The following NBDY variants were observed in gnomAD, a reference collection of about 807,000 sequenced individuals.
NBDY encodes the protein negative regulator of P-body association.
At chrX:56,801,135 C>T (rs779717693) in intron 2 of NBDY, among the ~76,000 whole-genome samples, 1 of 111,500 alleles carries the variant, frequency 9.0e-6, no homozygotes, top group Admixed American at 9.4e-5. Flanking sequence ...AAGAACCCAT[C>T]AACAAGAAGC....
chrX:56,733,150 C>A (rs1440140905), intron 2 of NBDY, among the ~76,000 whole-genome samples: 1 of 109,808 alleles, frequency 9.1e-6, no homozygotes, highest in Middle Eastern at 4.6e-3. Flanking sequence ...GTATTTTTAT[C>A]ATTCAATATT....
At chrX:56,766,353 G>A (rs889749730) in intron 2 of NBDY, among the ~76,000 whole-genome samples, 2 of 111,434 alleles carry the variant, frequency 1.8e-5, no homozygotes, top group Non-Finnish European at 3.8e-5. Flanking sequence ...ACACAGGGAG[G>A]CACACACAGA....
chrX:56,762,627 C>T (rs962941191), intron 2 of NBDY, among the ~76,000 whole-genome samples: 1 of 110,954 alleles, frequency 9.0e-6, no homozygotes, highest in African/African-American at 3.3e-5. Flanking sequence ...TCCTTGAAGA[C>T]GATCTAATAA....
intron 2 of NBDY, among the ~76,000 whole-genome samples, chrX:56,793,533 G>C (rs1479314215): frequency 9.1e-6 from 1 of 110,229 alleles, no homozygotes; most frequent in Non-Finnish European, 1.9e-5. Context: ...GGAAAGCATG[G>C]AGGGCCTCAG....
intron 2 of NBDY, among the ~76,000 whole-genome samples, chrX:56,746,018 T>C (rs1178992225): frequency 9.0e-6 from 1 of 111,163 alleles, no homozygotes; most frequent in Non-Finnish European, 1.9e-5. Flanking sequence ...CAAATTATGG[T>C]TTATAATTTG....
At chrX:56,805,695 CCT>C (rs1222012431) in intron 2 of NBDY, among the ~76,000 whole-genome samples, 2 of 112,070 alleles carry the variant, frequency 1.8e-5, no homozygotes, top group African/African-American at 6.5e-5. Flanking sequence ...GGCTCTTCCT[CCT>C]CTGTGAGGCC....
intron 2 of NBDY, among the ~76,000 whole-genome samples, chrX:56,766,120 AT>A (rs1310483735): frequency 8.9e-6 from 1 of 111,952 alleles, no homozygotes; most frequent in African/African-American, 3.3e-5. Flanking sequence ...GCTCATTGTT[AT>A]TTCCCATTCT....
chrX:56,809,335 A>G (rs1194744790), intron 2 of NBDY, among the ~76,000 whole-genome samples: 2 of 111,368 alleles, frequency 1.8e-5, no homozygotes, highest in African/African-American at 6.5e-5. Context: ...TCGTTGATCT[A>G]TCTAATATTG....
intron 2 of NBDY, among the ~76,000 whole-genome samples, chrX:56,750,286 C>A (rs752610544): frequency 4.5e-5 from 5 of 111,408 alleles, no homozygotes; most frequent in Admixed American, 2.9e-4. Flanking sequence ...AAATTCTCTG[C>A]TTTCTTCCAT....
intron 2 of NBDY, among the ~76,000 whole-genome samples, chrX:56,764,536 G>A (rs890437040): frequency 2.0e-4 from 22 of 109,866 alleles, no homozygotes; most frequent in South Asian, 1.2e-3. Context: ...GCACATCCTC[G>A]CTGATCTCTG....
chrX:56,730,466 G>C (rs775769284), intron 1 of NBDY, among the ~76,000 whole-genome samples: 1 of 86,154 alleles, frequency 1.2e-5, no homozygotes, highest in African/African-American at 4.4e-5. Flanking sequence ...AGCCGAGATC[G>C]CGCCATTGCT....
At chrX:56,756,790 C>A (rs1456485589) in intron 2 of NBDY, among the ~76,000 whole-genome samples, 1 of 110,704 alleles carries the variant, frequency 9.0e-6, no homozygotes, top group Non-Finnish European at 1.9e-5. Flanking sequence ...CATGGTGAAA[C>A]CCTGTCTCTA....
chrX:56,738,629 A>G (rs2069510128), intron 2 of NBDY, among the ~76,000 whole-genome samples: 1 of 111,822 alleles, frequency 8.9e-6, no homozygotes, highest in Non-Finnish European at 1.9e-5. Flanking sequence ...GGAAACACTT[A>G]CTTACATTTA....
At chrX:56,739,238 GTA>G (rs1198957018) in intron 2 of NBDY, among the ~76,000 whole-genome samples, 1,343 of 59,602 alleles carry the variant, frequency 0.023, 22 homozygotes, top group Middle Eastern at 0.076. Flanking sequence ...GTTTGTGTGT[GTA>G]TATATATATA....
At chrX:56,742,790 C>A (rs2069537764) in intron 2 of NBDY, among the ~76,000 whole-genome samples, 1 of 111,480 alleles carries the variant, frequency 9.0e-6, no homozygotes, top group African/African-American at 3.2e-5. Flanking sequence ...TTGACTTCTT[C>A]CTTTCCAATT....
intron 2 of NBDY, among the ~76,000 whole-genome samples, chrX:56,751,379 T>C (rs1365906203): frequency 8.9e-6 from 1 of 112,070 alleles, no homozygotes; most frequent in African/African-American, 3.2e-5. Context: ...TTGTCTATTA[T>C]TGCACATGTC....
chrX:56,785,695 G>A (rs2069724013), intron 2 of NBDY, among the ~76,000 whole-genome samples: 1 of 111,570 alleles, frequency 9.0e-6, no homozygotes. Flanking sequence ...GGGCTTAAGG[G>A]GCTGACACTT....
chrX:56,756,221 G>A lies in NBDY; in HGVS notation c.*166+24022G>A, dbSNP rs751046624. Among the ~76,000 whole-genome samples, 13 of 107,982 alleles carry A rather than the reference G, an allele frequency of 1.2e-4. 1 individual carries two copies. In the South Asian group the frequency reaches 3.7e-3, roughly 31 times the overall value. The allele number at this position is 107,982 out of a possible 115,157, so 93.8% of individuals were successfully genotyped here. ...ACGAGTTAATGGGTGCAGCACACCA[G>A]CATGGCACATGTATACATATGTAAC... On this transcript the variant is annotated intron_variant, in intron 2 of 2. Coordinates refer to ENST00000374922, the MANE Select transcript of NBDY (RefSeq NM_001348129.2).
At chrX:56,795,762 G>A (rs2069788708) in intron 2 of NBDY, among the ~76,000 whole-genome samples, 1 of 112,331 alleles carries the variant, frequency 8.9e-6, no homozygotes, top group Non-Finnish European at 1.9e-5. Context: ...ACAAATGCAG[G>A]TCCTTTTTTC....
Sources: allele counts gnomAD v4.1 joint callset (sites outside exome capture counted in the v4.1 genomes callset), GRCh38; gene constraint gnomAD v4.1.1; transcripts MANE v1.5; gene names NCBI Gene and HGNC (gene_info 2026-07-23, HGNC 2026-07-21).